The following FAM135B variants were observed in gnomAD, a reference collection of about 807,000 sequenced individuals.
FAM135B encodes the protein protein FAM135B.
A neutral mutation model predicts 127.7 loss-of-function variants in FAM135B; 43 were observed. The ratio of observed to expected loss-of-function variants is 0.34; its 90% CI spans 0.26 to 0.43. The LOEUF is 0.43. FAM135B is among the 20% of genes least tolerant of loss of function. The pLI is 1.00. For missense variants in FAM135B, 1,558 were observed against 1,725.6 expected (o/e 0.90, Z 1.72); for synonymous variants, 670 against 665.1 (o/e 1.01, Z -0.11).
Position 138,132,280 on chromosome 8 carries a change from A to G in FAM135B, c.*313T>C. The G allele has an allele frequency of 3.2e-6, 1 of 312,660 alleles. No homozygotes were observed. 19.4% of individuals were successfully genotyped at this position (312,660 alleles called of 1,614,324 possible). ...TGGAGTAATCTCTCAGTAAGCCAGT[A>G]GTGGCTAGCAAGGGGAGCTCACCAA... On this transcript the variant is annotated 3_prime_UTR_variant, in exon 20 of 20. Coordinates refer to ENST00000395297, the MANE Select transcript of FAM135B (RefSeq NM_015912.4). The surrounding 1 kb of genome is among the most constrained non-coding windows in gnomAD (Gnocchi z 4.5).
At chr8:138,427,137 C>A (rs968899453) in intron 1 of FAM135B, among the ~76,000 whole-genome samples, 1 of 151,626 alleles carries the variant, frequency 6.6e-6, no homozygotes, top group African/African-American at 2.4e-5. Flanking sequence ...TTGTAAATAC[C>A]TTTGGTAGTG....
At position 138,242,232 on chromosome 8, in the gene FAM135B, TTGGTCC is replaced by T. The variant is rs1820861257; in HGVS notation, c.669+704_669+709del. On this transcript the variant is annotated intron_variant, in intron 7 of 19. Transcript: ENST00000395297. The surrounding 1 kb of genome is among the most constrained non-coding windows in gnomAD (Gnocchi z 9.6). The stretch of plus-strand genomic sequence containing the variant: ...GTGTGTGTGTGTTCTATTGGCTGTA[TTGGTCC>T]TGTTTCTCTGGAGAACCCTGAATAA... Among the ~76,000 whole-genome samples, 1 of 150,376 alleles carries T rather than the reference TTGGTCC, an allele frequency of 6.6e-6. No homozygotes were observed. Among genetic ancestry groups the T allele is most frequent in the African/African-American group, 2.5e-5 (1 of 40,724 alleles).
chr8:138,415,595 T>C (rs568344829), intron 1 of FAM135B, among the ~76,000 whole-genome samples: 1 of 152,322 alleles, frequency 6.6e-6, no homozygotes, highest in African/African-American at 2.4e-5. Flanking sequence ...CCTGAATTTA[T>C]GTTACAACTC....
At chr8:138,396,118 T>C (rs1057123006) in intron 1 of FAM135B, among the ~76,000 whole-genome samples, 3 of 152,158 alleles carry the variant, frequency 2.0e-5, no homozygotes, top group Admixed American at 6.5e-5. Flanking sequence ...AGCATGAGCT[T>C]TGGGGTGAGA....
At position 138,178,699 on chromosome 8, in the gene FAM135B, GC is replaced by G. The variant is rs900083642; in HGVS notation, c.874-10del. On this transcript the variant is annotated splice_polypyrimidine_tract_variant and intron_variant, in intron 9 of 19. Coordinates refer to ENST00000395297, the MANE Select transcript of FAM135B (RefSeq NM_015912.4). Reference sequence around the variant, plus strand: ...TCTGGATTGTTCAACATCTGGAGAGGCAAAAAAGGTGGTATTCAAGGCTCCT... The same window carrying G: ...TCTGGATTGTTCAACATCTGGAGAGGAAAAAAGGTGGTATTCAAGGCTCCT... The G allele has an allele frequency of 1.9e-6, 3 of 1,590,642 alleles. No homozygotes were observed. Among genetic ancestry groups the G allele is most frequent in the Admixed American group, 1.7e-5 (1 of 57,696 alleles).
intron 2 of FAM135B, among the ~76,000 whole-genome samples, chr8:138,337,709 AT>A (rs1308099078): frequency 6.6e-6 from 1 of 152,174 alleles, no homozygotes; most frequent in Non-Finnish European, 1.5e-5. Context: ...ATTCAATGCC[AT>A]CCCCATCAAG....
intron 9 of FAM135B, among the ~76,000 whole-genome samples, chr8:138,181,082 TA>T (rs58164495): frequency 1.4e-5 from 2 of 145,638 alleles, no homozygotes; most frequent in South Asian, 2.2e-4. Flanking sequence ...CTACTAAAAA[TA>T]AAAAAAAAAT....
intron 11 of FAM135B, among the ~76,000 whole-genome samples, chr8:138,168,464 T>TTATGA (rs1820142933): frequency 6.6e-6 from 1 of 152,204 alleles, no homozygotes; most frequent in Non-Finnish European, 1.5e-5. Context: ...TAGGATCTGG[T>TTATGA]CATATTTTGG....
chr8:138,168,217 C>G (rs562294240), intron 11 of FAM135B, among the ~76,000 whole-genome samples, 168 bp from the exon 12 acceptor site: 2 of 152,256 alleles, frequency 1.3e-5, no homozygotes, highest in African/African-American at 4.8e-5. Context: ...GAGCCATAGT[C>G]TGCTTTGTTT....
At chr8:138,169,477 G>A (rs753651083) in intron 11 of FAM135B, among the ~76,000 whole-genome samples, 1 of 144,482 alleles carries the variant, frequency 6.9e-6, no homozygotes, top group East Asian at 2.0e-4. Flanking sequence ...TGTTCTTCTC[G>A]GATTATTTAA....
In FAM135B at chr8:138,131,226, G is replaced by A. The variant is rs1816194254; in HGVS notation, c.*1367C>T. Reference sequence around the variant, plus strand: ...TTTCCACACTTCAGAAGGGATTTTTGCAGAAGCAGGAGCTTTCATCTCCAA... The same window carrying A: ...TTTCCACACTTCAGAAGGGATTTTTACAGAAGCAGGAGCTTTCATCTCCAA... On this transcript the variant is annotated 3_prime_UTR_variant, in exon 20 of 20. Transcript: ENST00000395297. The A allele has an allele frequency of 6.6e-6, 1 of 152,156 alleles. No individual in the cohort carries two copies. 9.4% of individuals were successfully genotyped at this position (152,156 alleles called of 1,614,324 possible).
Position 138,278,219 on chromosome 8 carries a change from T to C in FAM135B, c.158-12377A>G, listed in dbSNP as rs191289809. ...CCGAGGATGTAGATCTAGGTGTTCA[T>C]TGACACGAGAGCTAACTGGCTAAGC... is the stretch of plus-strand genomic sequence containing the variant. On this transcript the variant is annotated intron_variant, in intron 3 of 19. Transcript: ENST00000395297. Among the ~76,000 whole-genome samples, 157 of 109,328 alleles carry C rather than the reference T, an allele frequency of 1.4e-3. 2 individuals carry two copies. Among genetic ancestry groups the C allele is most frequent in the Admixed American group, 6.3e-4 (6 of 9,514 alleles). The allele number at this position is 109,328 out of a possible 152,430, so 71.7% of individuals were successfully genotyped here.
At chr8:138,470,454 T>C in intron 1 of FAM135B, among the ~76,000 whole-genome samples, 1 of 152,198 alleles carries the variant, frequency 6.6e-6, no homozygotes, top group East Asian at 1.9e-4. Flanking sequence ...GTTCAGATGG[T>C]CTTGCGGATG....
intron 2 of FAM135B, among the ~76,000 whole-genome samples, chr8:138,330,211 C>T (rs79929787): frequency 0.046 from 7,016 of 152,204 alleles, 490 homozygotes; most frequent in African/African-American, 0.15. Context: ...ATATGTCTTC[C>T]TTAACCTGTA....
chr8:138,280,782 A>C (rs1824205959), intron 3 of FAM135B, among the ~76,000 whole-genome samples: 1 of 152,142 alleles, frequency 6.6e-6, no homozygotes, highest in South Asian at 2.1e-4. Flanking sequence ...AAGGGAGGAG[A>C]GCACTAGGAG....
rs1833938167 is a variant in FAM135B at position 138,412,873 on chromosome 8, C to T, written c.-19-44871G>A. Among the ~76,000 whole-genome samples, 5 of 152,274 alleles carry T rather than the reference C, an allele frequency of 3.3e-5. 1 individual carries two copies. The Middle Eastern group carries it at 0.014, about 414-fold the overall frequency. On this transcript the variant is annotated intron_variant, in intron 1 of 19. Transcript: ENST00000395297. ...CAGCAATCTCTCCTTCCATGATTTG[C>T]TTCCTGACTCTCTCTCCTGCTCCCT...
intron 7 of FAM135B, among the ~76,000 whole-genome samples, chr8:138,224,005 G>A (rs1458796248): frequency 6.6e-6 from 1 of 151,782 alleles, no homozygotes; most frequent in Non-Finnish European, 1.5e-5. Flanking sequence ...TATAAAGATG[G>A]TAAGAATAGA....
intron 1 of FAM135B, among the ~76,000 whole-genome samples, chr8:138,384,195 A>G (rs1166271179): frequency 6.6e-6 from 1 of 152,160 alleles, no homozygotes. Flanking sequence ...CACTGCATGC[A>G]GGATTAGCTT....
chr8:138,436,456 G>A (rs534338761), intron 1 of FAM135B, among the ~76,000 whole-genome samples: 1 of 152,262 alleles, frequency 6.6e-6, no homozygotes, highest in Admixed American at 6.5e-5. Context: ...TTCACACTGG[G>A]CAGCAGGAAT....
Sources: gnomAD v4.1 joint callset for allele counts (sites outside exome capture counted in the v4.1 genomes callset) on GRCh38, gnomAD v4.1.1 for gene constraint, Gnocchi (gnomAD v3.1) non-coding constraint, MANE v1.5 for transcripts, NCBI Gene and HGNC (gene_info 2026-07-23, HGNC 2026-07-21) for gene names.